Variants in ZFHX3 observed in about 807,000 individuals in gnomAD.
ZFHX3 encodes the protein zinc finger homeobox 3.
ZFHX3 carries 42 observed loss-of-function variants against 279.1 expected under a neutral mutation model. That is an observed-to-expected ratio of 0.15 (90% confidence interval 0.12 to 0.19). The LOEUF (loss-of-function observed/expected upper bound fraction) is 0.19, where lower values mean the gene tolerates loss of function less well. Among genes scored for constraint, ZFHX3 ranks in the 10% least tolerant of loss-of-function variants. The pLI is 1.00. For synonymous variants in ZFHX3, 2,293 were observed against 1,957.8 expected (o/e 1.17, Z -4.52); for missense variants, 4,981 against 4,754.0 (o/e 1.05, Z -1.40).
rs2143446345 is a variant in ZFHX3 at position 72,797,161 on chromosome 16, C to T, written c.5521G>A (p.Val1841Ile). 6.2e-7 allele frequency: 1 copy of T among 1,613,898 alleles called. No homozygotes were observed. Among genetic ancestry groups the T allele is most frequent in the East Asian group, 2.2e-5 (1 of 44,844 alleles). Reference sequence around the variant, plus strand: ...ATCTGCTGATGGCTCTGCTGTGGGACCTGAACCTGAGCCTTCAGATCTTCC... The same window carrying T: ...ATCTGCTGATGGCTCTGCTGTGGGATCTGAACCTGAGCCTTCAGATCTTCC... The part of the protein sequence containing the change: ...LLEDLKAQVQ[V>I]PQQSHQQILP... Residue 1841 changes from valine to isoleucine, a missense_variant, in exon 9 of 10, where the codon GTC becomes ATC. By Grantham distance (29) the Val-to-Ile change is conservative. Around this residue, in one of 7 missense-constraint regions of ZFHX3, gnomAD observed 1,751 missense variants for 1,770.0 expected, o/e 0.99. Transcript: ENST00000268489.
intron 2 of ZFHX3, among the ~76,000 whole-genome samples, chr16:73,553,014 G>T (rs751127055): frequency 2.0e-5 from 3 of 152,040 alleles, no homozygotes; most frequent in Non-Finnish European, 4.4e-5. Flanking sequence ...ACATTCTGCC[G>T]GGCTCTGCTA....
At chr16:73,093,369 G>C (rs909922423) in exon 8 of ZFHX3, 2 of 419,936 alleles carry the variant, frequency 4.8e-6, no homozygotes, top group Non-Finnish European at 9.5e-6. Context: ...AGCCACAGGG[G>C]ACGACCCTGA....
Position 73,881,486 on chromosome 16 carries a change from C to A in ZFHX3, c.-1608+10165G>T, listed in dbSNP as rs912332854. ...TCTCTCTCTCTCTCTCTCTGCCCCCCCCCCCCACTCTGCCCATGGTTACTG... is the reference window on the plus strand; with the variant it reads ...TCTCTCTCTCTCTCTCTCTGCCCCCACCCCCCACTCTGCCCATGGTTACTG... On this transcript the variant is annotated intron_variant, in intron 1 of 17. Coordinates refer to the ZFHX3 transcript ENST00000641206. 1.6e-3 allele frequency among the ~76,000 whole-genome samples: 132 copies of A among 80,808 alleles called. 24 individuals are homozygous for A. The highest frequency in any genetic ancestry group is 8.5e-4 in the Non-Finnish European group (25 of 29,440). The allele number at this position is 80,808 out of a possible 152,430, so 53.0% of individuals were successfully genotyped here.
chr16:72,888,522 G>C (rs947815608), intron 4 of ZFHX3, among the ~76,000 whole-genome samples: 2 of 152,218 alleles, frequency 1.3e-5, no homozygotes, highest in African/African-American at 2.4e-5. Context: ...GCTGGGAGCC[G>C]AGGACCAGGC....
chr16:73,285,058 C>T (rs894583750), intron 4 of ZFHX3, among the ~76,000 whole-genome samples: 1 of 152,094 alleles, frequency 6.6e-6, no homozygotes, highest in Non-Finnish European at 1.5e-5. Context: ...CCTTTGTTGC[C>T]CAGGCTAGCA....
chr16:73,515,775 C>T (rs552059340), intron 2 of ZFHX3, among the ~76,000 whole-genome samples: 2 of 152,210 alleles, frequency 1.3e-5, no homozygotes, highest in South Asian at 2.1e-4. Flanking sequence ...ATTTAGGAGA[C>T]GTTTCTTGGA....
chr16:73,103,628 T>A (rs182631386), intron 7 of ZFHX3, among the ~76,000 whole-genome samples: 88 of 152,340 alleles, frequency 5.8e-4, no homozygotes, highest in South Asian at 4.8e-3. Flanking sequence ...GAATCATAGC[T>A]CGTGCCTCCT....
intron 3 of ZFHX3, among the ~76,000 whole-genome samples, chr16:73,329,686 G>A (rs181407284): frequency 1.3e-5 from 2 of 152,306 alleles, no homozygotes. Flanking sequence ...CTTTTGCTTT[G>A]TGTAATCCTG....
intron 2 of ZFHX3, among the ~76,000 whole-genome samples, chr16:73,597,911 G>A (rs576258896): frequency 4.6e-5 from 7 of 152,320 alleles, no homozygotes; most frequent in African/African-American, 1.4e-4. Flanking sequence ...ATCAGTAACT[G>A]CTGTATGAAA....
chr16:73,741,155 T>G (rs1298300226), intron 1 of ZFHX3, among the ~76,000 whole-genome samples: 1 of 151,250 alleles, frequency 6.6e-6, no homozygotes, highest in Non-Finnish European at 1.5e-5. Context: ...CTCAGCCTCC[T>G]GAGTAGGTGG....
intron 7 of ZFHX3, among the ~76,000 whole-genome samples, chr16:73,105,929 A>ACCCCCCCCCCC (rs34679627): frequency 3.7e-4 from 41 of 110,840 alleles, no homozygotes; most frequent in Non-Finnish European, 4.0e-4. Flanking sequence ...ATGTACACGG[A>ACCCCCCCCCCC]CCCCCTCCCC....
intron 3 of ZFHX3, among the ~76,000 whole-genome samples, chr16:73,378,598 C>T (rs1400389999): frequency 1.3e-5 from 2 of 152,188 alleles, no homozygotes; most frequent in Non-Finnish European, 2.9e-5. Context: ...CTTCTTGCTT[C>T]CCGCAAGATA....
rs570472427 is a variant in ZFHX3 at position 73,798,217 on chromosome 16, T to C, written c.-1608+93434A>G. Among the ~76,000 whole-genome samples, 14 of 152,260 alleles carry C rather than the reference T, an allele frequency of 9.2e-5. No homozygotes were observed. In the South Asian group the frequency reaches 2.7e-3, roughly 29 times the overall value. ...TGGGCTTTGGTTTGTTGTGTTACTA[T>C]TTATTGAAGTAATGAGATGGAAAAC... On this transcript the variant is annotated intron_variant, in intron 1 of 17. Transcript: ENST00000641206.
chr16:72,822,749 CTG>C (rs1352385274), intron 5 of ZFHX3, among the ~76,000 whole-genome samples: 1 of 148,314 alleles, frequency 6.7e-6, no homozygotes, highest in Non-Finnish European at 1.5e-5. Context: ...TCTCATTATA[CTG>C]TGTCATAATT....
chr16:73,819,550 T>C (rs1026662769), intron 1 of ZFHX3, among the ~76,000 whole-genome samples: 4 of 152,142 alleles, frequency 2.6e-5, no homozygotes, highest in Admixed American at 6.6e-5. Flanking sequence ...TGGGCCACTT[T>C]GTGGTCTAAT....
At chr16:73,512,813 T>C (rs1342303520) in intron 2 of ZFHX3, among the ~76,000 whole-genome samples, 1 of 152,166 alleles carries the variant, frequency 6.6e-6, no homozygotes, top group Non-Finnish European at 1.5e-5. Flanking sequence ...ATAAATTTAT[T>C]ATTTGAGAAC....
intron 5 of ZFHX3, among the ~76,000 whole-genome samples, chr16:73,147,660 C>G (rs1270088546): frequency 7.3e-6 from 1 of 136,296 alleles, no homozygotes; most frequent in African/African-American, 2.7e-5. Context: ...CCACCGCACT[C>G]CAGCCTGGGC....
chr16:73,039,936 A>C (rs959793584), intron 1 of ZFHX3, among the ~76,000 whole-genome samples: 1 of 152,136 alleles, frequency 6.6e-6, no homozygotes, highest in African/African-American at 2.4e-5. Context: ...TGAGCGGTAT[A>C]AGCAATGTGA....
At chr16:72,911,208 A>G (rs2039307644) in intron 3 of ZFHX3, among the ~76,000 whole-genome samples, 1 of 152,260 alleles carries the variant, frequency 6.6e-6, no homozygotes. Flanking sequence ...AAGGGAAGCC[A>G]GCTTAATTCT....
Sources: gnomAD v4.1 joint callset for allele counts (sites outside exome capture counted in the v4.1 genomes callset) on GRCh38, gnomAD v4.1.1 for gene constraint, gnomAD v4.1.1 regional missense constraint, MANE v1.5 for transcripts, NCBI Gene and HGNC (gene_info 2026-07-23, HGNC 2026-07-21) for gene names.